BICC1: variants seen among roughly 807,000 people sequenced by gnomAD.
The protein encoded by BICC1 is protein bicaudal C homolog 1.
BICC1 carries 43 observed loss-of-function variants against 111.0 expected under a neutral mutation model. The observed-to-expected ratio is 0.39, with a 90% CI of 0.30 to 0.50. The LOEUF is 0.50. Among genes scored for constraint, BICC1 ranks in the 20% least tolerant of loss-of-function variants. The probability of loss-of-function intolerance (pLI) is 0.88; values close to 1 mark genes in which losing one functional copy is unlikely to be tolerated. For missense variants in BICC1, 1,091 were observed against 1,203.2 expected (o/e 0.91, Z 1.38); for synonymous variants, 467 against 434.4 (o/e 1.07, Z -0.93).
chr10:58,573,849 G>A (rs548643136), intron 1 of BICC1, among the ~76,000 whole-genome samples: 2 of 152,118 alleles, frequency 1.3e-5, no homozygotes, highest in African/African-American at 2.4e-5. Flanking sequence ...CTAATCCTAA[G>A]GGGTTGAGGC....
intron 2 of BICC1, among the ~76,000 whole-genome samples, chr10:58,640,954 CA>C (rs1220768095): frequency 6.6e-6 from 1 of 152,080 alleles, no homozygotes; most frequent in Non-Finnish European, 1.5e-5. Flanking sequence ...TTTCAACTTT[CA>C]AAAGCAGTTC....
chr10:58,766,682 A>C (rs1293197212), intron 3 of BICC1, among the ~76,000 whole-genome samples: 1 of 152,114 alleles, frequency 6.6e-6, no homozygotes, highest in African/African-American at 2.4e-5. Flanking sequence ...CTGCTGGAGC[A>C]AAAAATTTAA....
intron 2 of BICC1, among the ~76,000 whole-genome samples, chr10:58,692,838 T>TTTTTTTTTTTGA (rs2097039280): frequency 1.2e-5 from 1 of 83,898 alleles, no homozygotes; most frequent in African/African-American, 8.0e-5. Context: ...ATCTCCATCT[T>TTTTTTTTTTTGA]TTTTTTTTTT....
chr10:58,569,052 A>C (rs1205891883), intron 1 of BICC1, among the ~76,000 whole-genome samples: 1 of 152,146 alleles, frequency 6.6e-6, no homozygotes, highest in African/African-American at 2.4e-5. Context: ...GGCCCTTTTA[A>C]TTTTTCCCTT....
chr10:58,805,173 G>C (rs1293646284), intron 15 of BICC1, among the ~76,000 whole-genome samples: 2 of 152,048 alleles, frequency 1.3e-5, no homozygotes, highest in Non-Finnish European at 2.9e-5. Flanking sequence ...GGCGCCTGTA[G>C]TCTCAGCTAC....
intron 2 of BICC1, among the ~76,000 whole-genome samples, chr10:58,687,284 C>G (rs1366312087): frequency 1.3e-5 from 2 of 152,192 alleles, no homozygotes; most frequent in African/African-American, 4.8e-5. Context: ...TCGGCCTCCA[C>G]TGGGAGGTGT....
intron 3 of BICC1, among the ~76,000 whole-genome samples, chr10:58,739,448 G>T (rs1841582328): frequency 6.6e-6 from 1 of 152,156 alleles, no homozygotes; most frequent in East Asian, 1.9e-4. Context: ...GATCATGGTG[G>T]ATAAGCTTTT....
At position 58,789,193 on chromosome 10, in the gene BICC1, G is replaced by T; in HGVS notation, c.601-69G>T. On this transcript the variant is annotated intron_variant, in intron 6 of 20. Transcript: ENST00000373886. ...AATCTATCTTCAGAAAAGAACCAATGAATGATACACATGTCTGAATGTCTA... is the reference window on the plus strand; with the variant it reads ...AATCTATCTTCAGAAAAGAACCAATTAATGATACACATGTCTGAATGTCTA... 9.2e-6 allele frequency: 12 copies of T among 1,307,594 alleles called. No homozygotes were observed. The South Asian group carries it at 1.5e-4, about 17-fold the overall frequency. 81.0% of individuals were successfully genotyped at this position (1,307,594 alleles called of 1,614,324 possible).
chr10:58,620,636 G>A (rs181430325), intron 1 of BICC1, among the ~76,000 whole-genome samples: 1 of 152,254 alleles, frequency 6.6e-6, no homozygotes, highest in East Asian at 1.9e-4. Flanking sequence ...TTCAGACAAA[G>A]CAAAAGAGTG....
intron 1 of BICC1, among the ~76,000 whole-genome samples, chr10:58,559,936 T>G (rs912589277): frequency 6.6e-6 from 1 of 152,122 alleles, no homozygotes; most frequent in African/African-American, 2.4e-5. Context: ...TTGTGTAATT[T>G]TTTGATGTGT....
At chr10:58,823,184 C>T (rs577658599) in intron 20 of BICC1, 128 of 973,930 alleles carry the variant, frequency 1.3e-4, no homozygotes, top group African/African-American at 1.2e-3. Flanking sequence ...CTTCCCACCA[C>T]GGCCTCAGGT....
intron 2 of BICC1, among the ~76,000 whole-genome samples, chr10:58,682,129 G>A (rs10763574): frequency 0.96 from 144,999 of 151,568 alleles, 69,729 homozygotes; most frequent in Middle Eastern, 1. Context: ...TTGGTTTTCT[G>A]TCCTGGCGAT....
In BICC1 at chr10:58,803,081, ACTG is replaced by A; in HGVS notation, c.2021_2023del (p.Thr674_Asp675delinsAsn). On this transcript the variant is annotated inframe_deletion, in exon 15 of 21. Transcript: ENST00000373886. ...TTCCACACTCTTATTTCACAGCAGC[ACTG>A]ACAGGTTGCTCTCAGACCCTGAACT... 1 of 1,596,678 alleles carries A rather than the reference ACTG, an allele frequency of 6.3e-7. No individual in the cohort carries two copies. Among genetic ancestry groups the A allele is most frequent in the African/African-American group, 1.3e-5 (1 of 74,624 alleles).
At position 58,754,909 on chromosome 10, in the gene BICC1, G is replaced by A. The variant is rs182993987; in HGVS notation, c.308-30092G>A. 1.3e-4 allele frequency among the ~76,000 whole-genome samples: 20 copies of A among 152,266 alleles called. No homozygotes were observed. In the East Asian group the frequency reaches 3.9e-3, roughly 29 times the overall value. On this transcript the variant is annotated intron_variant, in intron 3 of 20. Transcript: ENST00000373886. ...GCATCCTTAATGCCATTGGTCCTTA[G>A]CTTTATAGATCAAGATTGCGAGTGA...
intron 3 of BICC1, among the ~76,000 whole-genome samples, chr10:58,781,126 G>A (rs12766788): frequency 0.46 from 70,327 of 151,818 alleles, 16,371 homozygotes; most frequent in Admixed American, 0.57. Context: ...AGGGATGTGA[G>A]CAGACGGGTA....
chr10:58,810,857 T>G (rs1296120120), intron 17 of BICC1, among the ~76,000 whole-genome samples: 1 of 152,202 alleles, frequency 6.6e-6, no homozygotes, highest in Non-Finnish European at 1.5e-5. Flanking sequence ...ACAAGGAGAA[T>G]GCCGATCTGT....
intron 2 of BICC1, among the ~76,000 whole-genome samples, chr10:58,662,437 C>G (rs1412330514): frequency 6.6e-6 from 1 of 152,144 alleles, no homozygotes; most frequent in Non-Finnish European, 1.5e-5. Flanking sequence ...TTGTGTTGTT[C>G]TTTAGTTCTT....
At chr10:58,696,824 A>T (rs908413473) in intron 2 of BICC1, among the ~76,000 whole-genome samples, 1 of 152,188 alleles carries the variant, frequency 6.6e-6, no homozygotes, top group African/African-American at 2.4e-5. Flanking sequence ...TCAACATCAG[A>T]TGTTTGTTCT....
chr10:58,824,131 C>T (rs1461909794), intron 20 of BICC1: 2 of 980,880 alleles, frequency 2.0e-6, no homozygotes, highest in East Asian at 2.3e-4. Flanking sequence ...ATTTGTATTC[C>T]TGATGCCTTG....
Sources: gnomAD v4.1 joint callset for allele counts (sites outside exome capture counted in the v4.1 genomes callset) on GRCh38, gnomAD v4.1.1 for gene constraint, MANE v1.5 for transcripts, NCBI Gene and HGNC (gene_info 2026-07-23, HGNC 2026-07-21) for gene names.